Variants in PDE4A observed in about 807,000 individuals in gnomAD.
The protein encoded by PDE4A is phosphodiesterase 4A, also known as 3',5'-cyclic-AMP phosphodiesterase 4A.
Under a neutral mutation model 73.9 loss-of-function variants are expected in PDE4A, and 21 were observed. The ratio of observed to expected loss-of-function variants is 0.28; its 90% CI spans 0.20 to 0.41. The LOEUF (loss-of-function observed/expected upper bound fraction) is 0.41, where lower values mean the gene tolerates loss of function less well. Among genes scored for constraint, PDE4A ranks in the 10% least tolerant of loss-of-function variants. The probability of loss-of-function intolerance (pLI) is 1.00; values close to 1 mark genes in which losing one functional copy is unlikely to be tolerated. For synonymous variants in PDE4A, 463 were observed against 505.4 expected, an observed-to-expected ratio of 0.92 and a Z score of 1.13; for missense variants, 958 against 1,211.4, an observed-to-expected ratio of 0.79 and a Z score of 3.10.
intron 6 of PDE4A, chr19:10,452,802 T>A: frequency 5.1e-6 from 1 of 196,568 alleles, no homozygotes; most frequent in Admixed American, 6.3e-5. Context: ...AGGGGATGGG[T>A]CCTGATGGGG....
chr19:10,428,486 C>T (rs1037582447), intron 1 of PDE4A, among the ~76,000 whole-genome samples: 1 of 152,034 alleles, frequency 6.6e-6, no homozygotes, highest in African/African-American at 2.4e-5. Flanking sequence ...TCACCATCAT[C>T]GTCATTATCA....
In PDE4A at chr19:10,453,150, CT is replaced by C; in HGVS notation, c.784-1678del. On this transcript the variant is annotated intron_variant, in intron 6 of 14. Transcript: ENST00000380702. This position sits in a 1 kb window ranked among gnomAD's most constrained non-coding sequence, Gnocchi z 4.6. Reference sequence around the variant, plus strand: ...TGGGCCGGCCCAGGCCCCTCCGCGGCTCCCCCTTCCACTACCCACCTGCCCG... The same window carrying C: ...TGGGCCGGCCCAGGCCCCTCCGCGGCCCCCCTTCCACTACCCACCTGCCCG... The C allele has an allele frequency of 1.4e-6, 2 of 1,433,956 alleles. No individual in the cohort carries two copies. Among genetic ancestry groups the C allele is most frequent in the Non-Finnish European group, 1.8e-6 (2 of 1,092,800 alleles). The allele number at this position is 1,433,956 out of a possible 1,614,324, so 88.8% of individuals were successfully genotyped here.
chr19:10,450,972 G>C (rs766314131), intron 6 of PDE4A, 31 bp downstream of exon 6: 2 of 1,552,044 alleles, frequency 1.3e-6, no homozygotes. Context: ...ACCCCTGGGC[G>C]GGGCAGGCGG....
rs2043408533 is a variant in PDE4A at position 10,467,916 on chromosome 19, A to G, written c.*295A>G. The G allele has an allele frequency of 4.0e-6, 1 of 252,166 alleles. No individual in the cohort carries two copies. The highest frequency in any genetic ancestry group is 7.5e-6 in the Non-Finnish European group (1 of 133,734). 15.6% of individuals were successfully genotyped at this position (252,166 alleles called of 1,614,324 possible). On this transcript the variant is annotated 3_prime_UTR_variant, in exon 15 of 15. Transcript: ENST00000380702. ...AGAAAAAGAACAAAAAAAGAAAAAAAAAAGAAAGAAACACAGCAACTGTAG... is the reference window on the plus strand; with the variant it reads ...AGAAAAAGAACAAAAAAAGAAAAAAGAAAGAAAGAAACACAGCAACTGTAG...
Position 10,458,240 on chromosome 19 carries a change from G to A in PDE4A, c.1101+138G>A. ...GATGAGGGTTTGAGCCCATCTTGAG[G>A]CAAGCATGCTGGCTCTTTGTACCTC... On this transcript the variant is annotated intron_variant, in intron 8 of 14. Coordinates refer to ENST00000380702, the MANE Select transcript of PDE4A (RefSeq NM_001111307.2). This position sits in a 1 kb window ranked among gnomAD's most constrained non-coding sequence, Gnocchi z 4.6. The A allele has an allele frequency of 2.6e-6, 2 of 768,882 alleles. No homozygotes were observed. Among genetic ancestry groups the A allele is most frequent in the Non-Finnish European group, 4.2e-6 (2 of 478,732 alleles). The allele number at this position is 768,882 out of a possible 1,614,324, so 47.6% of individuals were successfully genotyped here. A position where few individuals can be genotyped will look rare whatever the true frequency, so the allele number is the denominator to read the frequency against.
In PDE4A at chr19:10,458,040, C is replaced by G; in HGVS notation, c.1039C>G (p.Leu347Val). The G allele has an allele frequency of 1.2e-6, 2 of 1,613,908 alleles. No individual in the cohort carries two copies. The highest frequency in any genetic ancestry group is 1.7e-6 in the Non-Finnish European group (2 of 1,180,036). The part of the protein sequence containing the change: ...GLKKLMHSNS[L>V]NNSNIPRFGV... ...GAAAAAGTTGATGCATAGTAACAGC[C>G]TGAACAACTCTAACATTCCCCGATT... is the stretch of plus-strand genomic sequence containing the variant. The change falls in exon 8 of 15, where the codon CTG (leucine) becomes GTG (valine). Residue 347 changes from leucine (L) to valine (V), a missense_variant. Around this residue, in one of 3 missense-constraint regions of PDE4A, gnomAD observed 570 missense variants for 827.7 expected, o/e 0.69. Transcript: ENST00000380702. This position sits in a 1 kb window ranked among gnomAD's most constrained non-coding sequence, Gnocchi z 4.6.
chr19:10,418,967 G>A (rs964498421), upstream of PDE4A: 2 of 985,254 alleles, frequency 2.0e-6, no homozygotes, highest in East Asian at 2.3e-4. Context: ...GCTGCTGATG[G>A]GGGGGCCGGT....
intron 10 of PDE4A, 112 bp from the exon 11 acceptor site, chr19:10,460,878 GGCCTTGAAGTCCTA>G (rs1347640568): frequency 4.3e-6 from 4 of 936,260 alleles, no homozygotes; most frequent in Non-Finnish European, 6.0e-6. Flanking sequence ...TCGAACTTCT[GGCCTTGAAGTCCTA>G]GGCTCAAGTG....
At chr19:10,419,444 C>G (rs1206439150), upstream of PDE4A, 1 of 152,142 alleles carries the variant, frequency 6.6e-6, no homozygotes, top group Non-Finnish European at 1.5e-5. Context: ...AGGGAGGAGG[C>G]TCGCCTGTTT....
chr19:10,427,732 G>A (rs1009596006), intron 1 of PDE4A: 10 of 950,774 alleles, frequency 1.1e-5, no homozygotes, highest in East Asian at 1.2e-4. Context: ...TGGCTTCCCC[G>A]TCTCTGAAAT....
intron 8 of PDE4A, 161 bp from the exon 9 acceptor site, chr19:10,459,239 C>A (rs1410674306): frequency 3.1e-6 from 4 of 1,287,114 alleles, no homozygotes; most frequent in Non-Finnish European, 3.1e-6. Flanking sequence ...ATTTTGCAGC[C>A]CAGTAGGACG....
In PDE4A at chr19:10,453,421, C is replaced by A; in HGVS notation, c.784-1408C>A. On this transcript the variant is annotated intron_variant, in intron 6 of 14. Transcript: ENST00000380702. This position sits in a 1 kb window ranked among gnomAD's most constrained non-coding sequence, Gnocchi z 4.6. ...GTGTGCAGCTGTGCACGTGTGTGGC[C>A]TGGAGATGAAGCCTTGTGACTGTCT... 2 of 1,432,726 alleles carry A rather than the reference C, an allele frequency of 1.4e-6. No homozygotes were observed. Among genetic ancestry groups the A allele is most frequent in the Non-Finnish European group, 1.9e-6 (2 of 1,070,748 alleles). The allele number at this position is 1,432,726 out of a possible 1,614,324, so 88.8% of individuals were successfully genotyped here. A position where few individuals can be genotyped will look rare whatever the true frequency, so the allele number is the denominator to read the frequency against.
At chr19:10,465,345 C>T (rs1160174149) in intron 14 of PDE4A, among the ~76,000 whole-genome samples, 2 of 151,698 alleles carry the variant, frequency 1.3e-5, no homozygotes, top group Admixed American at 6.6e-5. Context: ...CTCAGCCTCC[C>T]GAGAAGCTGG....
chr19:10,454,724 T>G, intron 6 of PDE4A, 105 bp from the exon 7 acceptor site: 1 of 1,571,400 alleles, frequency 6.4e-7, no homozygotes, highest in East Asian at 2.3e-5. Context: ...AGCAGAAAAA[T>G]AGGAGGGACT....
rs2043402830 is a variant in PDE4A, at chr19:10,467,640, T to G, written c.*19T>G. The G allele has an allele frequency of 6.6e-7, 1 of 1,521,372 alleles. No homozygotes were observed. Among genetic ancestry groups the G allele is most frequent in the Middle Eastern group, 2.4e-4 (1 of 4,116 alleles). 94.2% of individuals were successfully genotyped at this position (1,521,372 alleles called of 1,614,324 possible). On this transcript the variant is annotated 3_prime_UTR_variant, in exon 15 of 15. Coordinates refer to ENST00000380702, the MANE Select transcript of PDE4A (RefSeq NM_001111307.2). ...TACCTGATCCCCAGACCTCTGTCCC[T>G]GTTCCCCTCCACTCCTCCCCTCACT... is the stretch of plus-strand genomic sequence containing the variant.
intron 1 of PDE4A, chr19:10,432,505 A>C: frequency 6.6e-7 from 1 of 1,520,106 alleles, no homozygotes; most frequent in African/African-American, 1.4e-5. Context: ...ACGGGCCCCG[A>C]GTCCCTGACC....
At chr19:10,463,123 G>T (rs577158930) in intron 13 of PDE4A, among the ~76,000 whole-genome samples, 28 of 150,312 alleles carry the variant, frequency 1.9e-4, no homozygotes, top group Non-Finnish European at 3.5e-4. Context: ...TTGAGATCGG[G>T]TCTCTCTGTC....
At chr19:10,457,431 C>CGGGGG (rs372266239) in intron 7 of PDE4A, among the ~76,000 whole-genome samples, 1 of 39,398 alleles carries the variant, frequency 2.5e-5, no homozygotes, top group African/African-American at 1.2e-4. Context: ...CCAAGGTGGG[C>CGGGGG]GGGGGGGGGG....
rs2144546199 is a variant in PDE4A at position 10,468,297 on chromosome 19, A to G, written c.*676A>G. ...GGCGATACTGACTAGAAAGTCAGGG[A>G]GCTGGGGGAGCTGTTCACTTTAGGA... is the stretch of plus-strand genomic sequence containing the variant. On this transcript the variant is annotated 3_prime_UTR_variant, in exon 15 of 15. Coordinates refer to ENST00000380702, the MANE Select transcript of PDE4A (RefSeq NM_001111307.2). 6.6e-6 allele frequency: 1 copy of G among 152,514 alleles called. No homozygotes were observed. Among genetic ancestry groups the G allele is most frequent in the Non-Finnish European group, 1.5e-5 (1 of 68,014 alleles). 9.4% of individuals were successfully genotyped at this position (152,514 alleles called of 1,614,324 possible).
Sources: allele counts gnomAD v4.1 joint callset (sites outside exome capture counted in the v4.1 genomes callset), GRCh38; gene constraint gnomAD v4.1.1; regional missense constraint gnomAD v4.1.1; non-coding constraint Gnocchi (gnomAD v3.1); transcripts MANE v1.5; gene names NCBI Gene and HGNC (gene_info 2026-07-23, HGNC 2026-07-21).